The following ZFYVE26 variants were observed in gnomAD, a reference collection of about 807,000 sequenced individuals.
ZFYVE26 encodes zinc finger FYVE domain-containing protein 26.
In ZFYVE26, 181 loss-of-function variants were observed where a neutral mutation model predicts 276.5. The ratio of observed to expected loss-of-function variants is 0.65; its 90% CI spans 0.58 to 0.74. The LOEUF (loss-of-function observed/expected upper bound fraction) is 0.74. ZFYVE26 is among the 30% of genes least tolerant of loss of function. ZFYVE26 has a pLI of 0.00. For synonymous variants in ZFYVE26, 1,129 were observed against 1,203.1 expected (o/e 0.94, Z 1.27); for missense variants, 2,821 against 3,097.9 (o/e 0.91, Z 2.12).
intron 23 of ZFYVE26, among the ~76,000 whole-genome samples, chr14:67,780,021 G>A (rs1032320844): frequency 2.0e-5 from 3 of 152,058 alleles, no homozygotes; most frequent in East Asian, 3.9e-4. Flanking sequence ...ACAGGTACCC[G>A]CCACCACGCC....
At chr14:67,760,119 T>C (rs1168071508) in intron 35 of ZFYVE26, among the ~76,000 whole-genome samples, 2 of 152,156 alleles carry the variant, frequency 1.3e-5, no homozygotes, top group Non-Finnish European at 2.9e-5. Context: ...GCTAATGAAG[T>C]AAGCAGCTTA....
Position 67,807,903 on chromosome 14 carries a change from T to C in ZFYVE26, c.381A>G (p.Leu127=). The change falls in exon 5 of 42, where the codon TTA becomes TTG. Residue 127 remains leucine, a synonymous_variant. Transcript: ENST00000347230. The part of the protein sequence containing the change: ...ENILEELYET[L]TQGAVGHVPD... Reference sequence around the variant, plus strand: ...GCACGTGGCCTACTGCACCCTGTGTTAAGGTCTCATACAGCTCCTAAATAG... The same window carrying C: ...GCACGTGGCCTACTGCACCCTGTGTCAAGGTCTCATACAGCTCCTAAATAG... 6.2e-7 allele frequency: 1 copy of C among 1,614,170 alleles called. No individual in the cohort carries two copies. Among genetic ancestry groups the C allele is most frequent in the Non-Finnish European group, 8.5e-7 (1 of 1,180,018 alleles).
chr14:67,801,015 G>A (rs1056751602), intron 10 of ZFYVE26, among the ~76,000 whole-genome samples: 1 of 152,040 alleles, frequency 6.6e-6, no homozygotes, highest in Admixed American at 6.6e-5. Context: ...CACTTTGGGA[G>A]GCTGAAGTGG....
Position 67,756,734 on chromosome 14 carries a change from C to G in ZFYVE26, c.6589-589G>C, listed in dbSNP as rs557997358. 2.0e-5 allele frequency among the ~76,000 whole-genome samples: 3 copies of G among 152,276 alleles called. No individual in the cohort carries two copies. In the South Asian group the frequency reaches 6.2e-4, roughly 32 times the overall value. The stretch of plus-strand genomic sequence containing the variant: ...GAACCTACACTCTTTTCTATTTATA[C>G]TCACTCTCTTGGTGATTTCATCCAG... On this transcript the variant is annotated intron_variant, in intron 35 of 41. Transcript: ENST00000347230.
At chr14:67,801,854 A>G (rs2040084446) in intron 10 of ZFYVE26, among the ~76,000 whole-genome samples, 1 of 152,228 alleles carries the variant, frequency 6.6e-6, no homozygotes, top group African/African-American at 2.4e-5. Flanking sequence ...GCGTTTGGAA[A>G]ACACCATACT....
chr14:67,809,406 CTCTTTT>C (rs2040248123), intron 3 of ZFYVE26, 117 bp from the exon 4 acceptor site: 27 of 237,688 alleles, frequency 1.1e-4, no homozygotes, highest in Non-Finnish European at 1.4e-4. Context: ...AGATGAAGCA[CTCTTTT>C]TTTTTTTTTT....
chr14:67,730,750 C>T (rs1594868414), intron 13 of ZFYVE26, among the ~76,000 whole-genome samples: 1 of 152,008 alleles, frequency 6.6e-6, no homozygotes, highest in Admixed American at 6.6e-5. Context: ...ATTACAGGTG[C>T]CCGCCACCAC....
At chr14:67,806,413 G>A in intron 6 of ZFYVE26, 132 bp downstream of exon 6, 1 of 1,179,300 alleles carries the variant, frequency 8.5e-7, no homozygotes, top group Non-Finnish European at 1.2e-6. Flanking sequence ...CTGTGGGAGG[G>A]ACAAAACCAA....
chr14:67,796,426 G>C (rs949136459), intron 12 of ZFYVE26: 14 of 151,706 alleles, frequency 9.2e-5, no homozygotes, highest in Non-Finnish European at 1.8e-4. Context: ...GGCTGGTCTT[G>C]AACTCCTTAC....
At chr14:67,809,138 G>T in intron 4 of ZFYVE26, 62 bp downstream of exon 4, 2 of 1,424,066 alleles carry the variant, frequency 1.4e-6, no homozygotes, top group Non-Finnish European at 9.9e-7. Flanking sequence ...CTGGGTCCAT[G>T]GAAGCTAAGC....
chr14:67,762,147 T>C, intron 34 of ZFYVE26, 56 bp downstream of exon 34: 2 of 1,555,754 alleles, frequency 1.3e-6, no homozygotes, highest in Non-Finnish European at 1.8e-6. Flanking sequence ...TCCCAGGTCA[T>C]TGCTATTCCT....
rs1379979760 is a variant in ZFYVE26, at chr14:67,768,498, G to A, written c.5653+19C>T. 5.0e-6 allele frequency: 8 copies of A among 1,613,626 alleles called. No individual in the cohort carries two copies. Among genetic ancestry groups the A allele is most frequent in the Admixed American group, 1.7e-5 (1 of 60,012 alleles). ...AAGTACACAAATGAAGAGTCACAGA[G>A]AACGGGATTTGGCCTTACCTTCTGG... On this transcript the variant is annotated intron_variant, in intron 30 of 41. Transcript: ENST00000347230.
intron 36 of ZFYVE26, 86 bp downstream of exon 36, chr14:67,755,862 A>C: frequency 2.5e-5 from 35 of 1,409,258 alleles, no homozygotes; most frequent in Non-Finnish European, 3.0e-5. Flanking sequence ...GACCAATGAC[A>C]GTCTCATTCC....
In ZFYVE26 at chr14:67,799,520, G is replaced by A. The variant is rs1326783952; in HGVS notation, c.1640-898C>T. 80 of 1,592,816 alleles carry A rather than the reference G, an allele frequency of 5.0e-5. No homozygotes were observed. The East Asian group carries it at 1.8e-3, about 35-fold the overall frequency. On this transcript the variant is annotated intron_variant, in intron 10 of 41. Coordinates refer to ENST00000347230, the MANE Select transcript of ZFYVE26 (RefSeq NM_015346.4). Reference sequence around the variant, plus strand: ...ACAAAAGGATCGGCAAAAGGAAATGGACAGTTTTCTGGCTCAGATGGAAGC... The same window carrying A: ...ACAAAAGGATCGGCAAAAGGAAATGAACAGTTTTCTGGCTCAGATGGAAGC...
At chr14:67,731,299 C>T (rs2038271391) in intron 13 of ZFYVE26, among the ~76,000 whole-genome samples, 1 of 149,694 alleles carries the variant, frequency 6.7e-6, no homozygotes, top group African/African-American at 2.5e-5. Flanking sequence ...ACTGCAACCT[C>T]CACCTCCTGG....
rs773751383 is a variant in ZFYVE26, at chr14:67,755,260, G to A, written c.6787-10C>T. 6.2e-7 allele frequency: 1 copy of A among 1,614,010 alleles called. No homozygotes were observed. The highest frequency in any genetic ancestry group is 8.5e-7 in the Non-Finnish European group (1 of 1,179,998). ...CGGCCCGAACTTGGTCCTAGAAGAG[G>A]AAAATAAATGTTCAGGTCAAAGTAG... On this transcript the variant is annotated splice_polypyrimidine_tract_variant and intron_variant, in intron 36 of 41. Transcript: ENST00000347230.
intron 20 of ZFYVE26, among the ~76,000 whole-genome samples, 191 bp downstream of exon 20, chr14:67,784,143 G>A (rs2039586153): frequency 6.6e-6 from 1 of 152,128 alleles, no homozygotes. Context: ...CAATATACAT[G>A]CTAAAGGTAT....
chr14:67,797,857 A>G (rs2039989117), intron 11 of ZFYVE26, 102 bp from the exon 12 acceptor site: 3 of 1,572,866 alleles, frequency 1.9e-6, no homozygotes, highest in Admixed American at 1.7e-5. Context: ...GGGCTCTGAG[A>G]CATGGAGCAT....
intron 30 of ZFYVE26, among the ~76,000 whole-genome samples, 183 bp downstream of exon 30, chr14:67,768,334 A>G (rs2039113681): frequency 6.6e-6 from 1 of 152,262 alleles, no homozygotes; most frequent in Admixed American, 6.5e-5. Context: ...GGCCAGTGTA[A>G]TAGGTTAATA....
Sources: allele counts gnomAD v4.1 joint callset (sites outside exome capture counted in the v4.1 genomes callset), GRCh38; gene constraint gnomAD v4.1.1; transcripts MANE v1.5; gene names NCBI Gene and HGNC (gene_info 2026-07-23, HGNC 2026-07-21).